Variants in NELL2 observed in about 807,000 individuals in gnomAD.
NELL2 encodes neural EGFL like 2.
In NELL2, 41 loss-of-function variants were observed where a neutral mutation model predicts 109.6. The observed-to-expected ratio is 0.37, with a 90% CI of 0.29 to 0.49. The LOEUF is 0.49. Ranked by LOEUF, NELL2 falls within the 20% of genes least tolerant of loss-of-function variation. The pLI is 0.98. For synonymous variants in NELL2, 355 were observed against 344.7 expected (o/e 1.03, Z -0.33); for missense variants, 900 against 1,008.3 (o/e 0.89, Z 1.45).
chr12:44,619,136 C>T (rs80352968), intron 13 of NELL2, among the ~76,000 whole-genome samples: 11,967 of 152,038 alleles, frequency 0.079, 556 homozygotes, highest in Non-Finnish European at 0.1. Flanking sequence ...TGGCTCTTGA[C>T]AGACAGGGAG....
intron 10 of NELL2, 77 bp downstream of exon 10, chr12:44,714,573 G>C (rs1442282810): frequency 1.3e-6 from 1 of 787,848 alleles, no homozygotes; most frequent in Non-Finnish European, 2.0e-6. Flanking sequence ...TGTATTTCAA[G>C]GTTGAGCTAG....
At chr12:44,668,896 C>T (rs1592301028) in intron 12 of NELL2, among the ~76,000 whole-genome samples, 1 of 152,158 alleles carries the variant, frequency 6.6e-6, no homozygotes, top group Non-Finnish European at 1.5e-5. Context: ...CCCACCACTG[C>T]AACTACCAGA....
Position 44,780,032 on chromosome 12 carries a change from G to A in NELL2, c.336-10C>T. Reference sequence around the variant, plus strand: ...TTCCAGTTCCAGGTACCTGCAGAGAGAAGAGCCACATGGGACACATTAAAA... The same window carrying A: ...TTCCAGTTCCAGGTACCTGCAGAGAAAAGAGCCACATGGGACACATTAAAA... On this transcript the variant is annotated splice_polypyrimidine_tract_variant and intron_variant, in intron 3 of 19. Coordinates refer to ENST00000429094, the MANE Select transcript of NELL2 (RefSeq NM_001145108.2). 1 of 1,612,950 alleles carries A rather than the reference G, an allele frequency of 6.2e-7. No homozygotes were observed. Among genetic ancestry groups the A allele is most frequent in the Non-Finnish European group, 8.5e-7 (1 of 1,179,406 alleles).
intron 1 of NELL2, among the ~76,000 whole-genome samples, chr12:44,900,581 T>G (rs754852864): frequency 6.6e-6 from 1 of 151,542 alleles, no homozygotes; most frequent in Non-Finnish European, 1.5e-5. Context: ...GAAGACACAA[T>G]GTACCAGAAT....
chr12:44,617,560 C>T (rs1360341036), intron 13 of NELL2, among the ~76,000 whole-genome samples: 5 of 134,302 alleles, frequency 3.7e-5, no homozygotes, highest in Admixed American at 2.1e-4. Flanking sequence ...GGCGTAGTGG[C>T]GGGCGCCTGT....
chr12:44,696,979 G>A (rs556345792), intron 12 of NELL2, among the ~76,000 whole-genome samples: 1 of 152,216 alleles, frequency 6.6e-6, no homozygotes, highest in South Asian at 2.1e-4. Context: ...AGTACAGTAA[G>A]GCCTCCTCGC....
rs940488697 is a variant in NELL2, at chr12:44,701,475, G to A, written c.1318+2251C>T. On this transcript the variant is annotated intron_variant, in intron 12 of 19. Coordinates refer to ENST00000429094, the MANE Select transcript of NELL2 (RefSeq NM_001145108.2). ...TTCCAGATAAAAACTGAGTGACTTG[G>A]TCTTTATGATTAGGCCAATTTTCAG... Among the ~76,000 whole-genome samples, 6 of 152,034 alleles carry A rather than the reference G, an allele frequency of 3.9e-5. No individual in the cohort carries two copies. In the East Asian group the frequency reaches 1.2e-3, roughly 29 times the overall value.
intron 9 of NELL2, among the ~76,000 whole-genome samples, chr12:44,741,917 C>T (rs1463218115): frequency 6.6e-6 from 1 of 152,186 alleles, no homozygotes; most frequent in Admixed American, 6.5e-5. Context: ...CAGCAGTAAC[C>T]TCTGCAGACT....
chr12:44,687,491 C>T (rs1217448778), intron 12 of NELL2, among the ~76,000 whole-genome samples: 1 of 152,222 alleles, frequency 6.6e-6, no homozygotes, highest in Admixed American at 6.5e-5. Flanking sequence ...TAACCAGGCC[C>T]AAGCTTCCAC....
intron 1 of NELL2, among the ~76,000 whole-genome samples, chr12:44,905,703 T>C (rs1465412330): frequency 6.6e-6 from 1 of 152,170 alleles, no homozygotes; most frequent in Non-Finnish European, 1.5e-5. Flanking sequence ...CAAGATCAGA[T>C]GTTCATACAA....
At chr12:44,822,324 C>T (rs979847773) in intron 2 of NELL2, among the ~76,000 whole-genome samples, 13 of 152,220 alleles carry the variant, frequency 8.5e-5, no homozygotes, top group African/African-American at 3.1e-4. Flanking sequence ...CAACAATGGC[C>T]ATAACACCCT....
intron 12 of NELL2, among the ~76,000 whole-genome samples, chr12:44,668,210 T>C (rs758097053): frequency 6.6e-5 from 10 of 152,072 alleles, no homozygotes; most frequent in African/African-American, 1.2e-4. Context: ...CACTGGGGAA[T>C]AGATGATGCA....
chr12:44,697,358 A>C (rs1377903634), intron 12 of NELL2, among the ~76,000 whole-genome samples: 2 of 152,104 alleles, frequency 1.3e-5, no homozygotes, highest in African/African-American at 4.8e-5. Context: ...ACACACACCC[A>C]CAGTCACTCA....
chr12:44,566,288 T>C (rs1037061944), intron 15 of NELL2, among the ~76,000 whole-genome samples: 11 of 152,220 alleles, frequency 7.2e-5, no homozygotes, highest in African/African-American at 2.4e-4. Context: ...ATTGTAGAGA[T>C]TACAGCAGCC....
chr12:44,568,585 T>G (rs1943747101), intron 15 of NELL2, among the ~76,000 whole-genome samples: 1 of 152,076 alleles, frequency 6.6e-6, no homozygotes, highest in African/African-American at 2.4e-5. Context: ...GGCCAGAATT[T>G]GAGGGATATG....
In NELL2 at chr12:44,711,314, G is replaced by A. The variant is rs747396252; in HGVS notation, c.1167C>T (p.His389=). 3.7e-6 allele frequency: 6 copies of A among 1,612,290 alleles called. No individual in the cohort carries two copies. The highest frequency in any genetic ancestry group is 3.3e-4 in the Middle Eastern group (2 of 6,070). ...CPESHQITLS[H]SCCKVCKGYD... ...TACCTTTACAAACTTTGCAACAGCT[G>A]TGAGACAAGGTTATCTGATGAGACT... The change falls in exon 11 of 20, where the codon CAC becomes CAT. Residue 389 remains histidine, a synonymous_variant. Coordinates refer to ENST00000429094, the MANE Select transcript of NELL2 (RefSeq NM_001145108.2).
chr12:44,785,229 C>T (rs1056225300), intron 3 of NELL2, among the ~76,000 whole-genome samples: 2 of 152,188 alleles, frequency 1.3e-5, no homozygotes, highest in Admixed American at 1.3e-4. Flanking sequence ...CATTCCTATA[C>T]ACCAATAACA....
intron 15 of NELL2, among the ~76,000 whole-genome samples, chr12:44,541,609 G>A (rs991495819): frequency 6.6e-6 from 1 of 151,986 alleles, no homozygotes; most frequent in African/African-American, 2.4e-5. Flanking sequence ...TTCATACCAA[G>A]AACACATACA....
At chr12:44,638,890 C>T (rs1406972327) in intron 13 of NELL2, among the ~76,000 whole-genome samples, 4 of 152,048 alleles carry the variant, frequency 2.6e-5, no homozygotes, top group Non-Finnish European at 5.9e-5. Context: ...TAATGTGAGT[C>T]ATATATATAA....
Sources: gnomAD v4.1 joint callset for allele counts (sites outside exome capture counted in the v4.1 genomes callset) on GRCh38, gnomAD v4.1.1 for gene constraint, MANE v1.5 for transcripts, NCBI Gene and HGNC (gene_info 2026-07-23, HGNC 2026-07-21) for gene names.